The following AP4S1 variants were observed in gnomAD, a reference collection of about 807,000 sequenced individuals.
AP4S1 encodes the protein adaptor related protein complex 4 subunit sigma 1.
In AP4S1, 23 loss-of-function variants were observed where a neutral mutation model predicts 19.8. That is an observed-to-expected ratio of 1.16 (90% CI 0.84 to 1.65). AP4S1 has a LOEUF of 1.65. AP4S1 is among the 40% of genes most tolerant of loss of function. The probability of loss-of-function intolerance (pLI) is 0.00; values close to 1 mark genes in which losing one functional copy is unlikely to be tolerated. For missense variants in AP4S1, 166 were observed against 172.8 expected, an observed-to-expected ratio of 0.96 and a Z score of 0.22; for synonymous variants, 46 against 54.1, an observed-to-expected ratio of 0.85 and a Z score of 0.66.
At chr14:31,030,391 A>G (rs1024990956) in intron 1 of AP4S1, among the ~76,000 whole-genome samples, 2 of 152,120 alleles carry the variant, frequency 1.3e-5, no homozygotes, top group Non-Finnish European at 2.9e-5. Flanking sequence ...TATTTTTTGT[A>G]CAGAGGGAAT....
chr14:31,025,903 C>T, intron 1 of AP4S1, 116 bp downstream of exon 1: 1 of 1,600,226 alleles, frequency 6.2e-7, no homozygotes, highest in Non-Finnish European at 8.5e-7. Flanking sequence ...CAACGAGGTA[C>T]CTGCAGTTCG....
At position 31,050,160 on chromosome 14, in the gene AP4S1, G is replaced by C. The variant is rs186094307; in HGVS notation, c.-71-15966G>C. On this transcript the variant is annotated intron_variant, in intron 1 of 5. Coordinates refer to ENST00000542754, the MANE Select transcript of AP4S1 (RefSeq NM_001128126.3). ...TGGTCTCGAACTCCTGACCTCAGGT[G>C]ATCCACCTGCCTTGGCCTCCCAAAG... Among the ~76,000 whole-genome samples the C allele has an allele frequency of 3.9e-5, 6 of 152,284 alleles. No individual in the cohort carries two copies. In the East Asian group the frequency reaches 1.2e-3, roughly 29 times the overall value.
At chr14:31,034,190 AC>A (rs1325440493) in intron 1 of AP4S1, among the ~76,000 whole-genome samples, 1 of 152,226 alleles carries the variant, frequency 6.6e-6, no homozygotes, top group African/African-American at 2.4e-5. Context: ...TATGCTAAAG[AC>A]AGTGTTCCTT....
chr14:31,071,061 A>G lies in AP4S1; in HGVS notation c.225+1132A>G, dbSNP rs541909668. 2.6e-5 allele frequency among the ~76,000 whole-genome samples: 4 copies of G among 152,082 alleles called. 1 individual carries two copies. Among genetic ancestry groups the G allele is most frequent in the African/African-American group, 9.6e-5 (4 of 41,522 alleles). ...AGTGAGACTCCATCTCAAAAAAAAA[A>G]GGGCTGATATATCAAAAGCCAGAGA... On this transcript the variant is annotated intron_variant, in intron 3 of 5. Coordinates refer to ENST00000542754, the MANE Select transcript of AP4S1 (RefSeq NM_001128126.3).
rs115339186 is a variant in AP4S1, at chr14:31,028,452, C to T, written c.-72+2665C>T. Among the ~76,000 whole-genome samples the T allele has an allele frequency of 8.7e-3, 1,322 of 152,152 alleles. 23 individuals carry two copies. Among genetic ancestry groups the T allele is most frequent in the African/African-American group, 0.03 (1,246 of 41,514 alleles). ...TTGGCTTCACAAAGTGTTAAGATTA[C>T]ATATTTCTTCAAATTATTAAAGTAC... is the stretch of plus-strand genomic sequence containing the variant. On this transcript the variant is annotated intron_variant, in intron 1 of 5. Coordinates refer to ENST00000542754, the MANE Select transcript of AP4S1 (RefSeq NM_001128126.3).
chr14:31,085,165 A>AC, intron 5 of AP4S1: 3 of 1,206,686 alleles, frequency 2.5e-6, no homozygotes, highest in Non-Finnish European at 3.1e-6. Context: ...ATCATGGGGC[A>AC]GATGCCCACC....
In AP4S1 at chr14:31,058,517, C is replaced by CTGTGTGTGTGTGTGTG. The variant is rs1241249693; in HGVS notation, c.-71-7600_-71-7599insGTGTGTGTGTGTGTGT. 3.0e-4 allele frequency among the ~76,000 whole-genome samples: 42 copies of CTGTGTGTGTGTGTGTG among 139,460 alleles called. 1 individual carries two copies. Among genetic ancestry groups the CTGTGTGTGTGTGTGTG allele is most frequent in the African/African-American group, 7.5e-4 (28 of 37,218 alleles). The allele number at this position is 139,460 out of a possible 152,430, so 91.5% of individuals were successfully genotyped here. The stretch of plus-strand genomic sequence containing the variant: ...GGTCATCAAAACATCTTCCCCATCT[C>CTGTGTGTGTGTGTGTG]TGTGTGTGTATGTGTGTGTGTGTGT... On this transcript the variant is annotated intron_variant, in intron 1 of 5. Transcript: ENST00000542754.
intron 5 of AP4S1, among the ~76,000 whole-genome samples, chr14:31,088,663 C>T (rs542747943): frequency 5.9e-5 from 9 of 152,032 alleles, no homozygotes; most frequent in South Asian, 2.1e-4. Flanking sequence ...CAAAAATTAG[C>T]GGGGCGTGGT....
chr14:31,091,597 G>A (rs1888077840), intron 5 of AP4S1, among the ~76,000 whole-genome samples: 1 of 151,460 alleles, frequency 6.6e-6, no homozygotes, highest in Non-Finnish European at 1.5e-5. Flanking sequence ...TTCTGCTGGA[G>A]GACTATTTGC....
chr14:31,087,951 AG>A (rs1566548687), intron 5 of AP4S1, among the ~76,000 whole-genome samples: 1 of 152,150 alleles, frequency 6.6e-6, no homozygotes, highest in Non-Finnish European at 1.5e-5. Flanking sequence ...GTTGCCAGAG[AG>A]TGAGGACTGG....
chr14:31,076,196 T>C (rs191267552), intron 4 of AP4S1, among the ~76,000 whole-genome samples: 1 of 152,344 alleles, frequency 6.6e-6, no homozygotes, highest in Non-Finnish European at 1.5e-5. Context: ...CAGAATGTGG[T>C]AACTCCATGT....
intron 1 of AP4S1, among the ~76,000 whole-genome samples, chr14:31,043,182 C>T (rs3784161): frequency 0.26 from 39,375 of 151,154 alleles, 5,322 homozygotes; most frequent in South Asian, 0.33. Flanking sequence ...GATCATGCCA[C>T]TGCACTCTAG....
chr14:31,053,222 T>C (rs917592258), intron 1 of AP4S1, among the ~76,000 whole-genome samples: 9 of 152,162 alleles, frequency 5.9e-5, no homozygotes, highest in African/African-American at 2.2e-4. Context: ...ATTACAGGCA[T>C]GAGCCACCGC....
chr14:31,042,569 C>T (rs1336691773), intron 1 of AP4S1, among the ~76,000 whole-genome samples: 1 of 152,152 alleles, frequency 6.6e-6, no homozygotes, highest in Non-Finnish European at 1.5e-5. Flanking sequence ...AAAAATAAAA[C>T]AAGTACTTTC....
At chr14:31,027,150 G>C (rs966077916) in intron 1 of AP4S1, 9 of 151,854 alleles carry the variant, frequency 5.9e-5, no homozygotes, top group South Asian at 4.2e-4. Flanking sequence ...TTTTTTTCTT[G>C]GGAGAAGAAG....
chr14:31,050,221 C>G, intron 1 of AP4S1, among the ~76,000 whole-genome samples: 1 of 152,176 alleles, frequency 6.6e-6, no homozygotes, highest in South Asian at 2.1e-4. Flanking sequence ...CACGCCTGTC[C>G]TAATTTTTGT....
intron 1 of AP4S1, among the ~76,000 whole-genome samples, chr14:31,057,704 C>T (rs2139528319): frequency 6.6e-6 from 1 of 151,930 alleles, no homozygotes; most frequent in Non-Finnish European, 1.5e-5. Flanking sequence ...CGGCTTACTG[C>T]AACCTCCGCC....
rs1355405867 is a variant in AP4S1, at chr14:31,025,663, T to C, written c.-196T>C. The stretch of plus-strand genomic sequence containing the variant: ...GCAGACGCCATACTAAAAGCCAAAA[T>C]GGCTGCCCCGAGGAGGCCCGCACCG... On this transcript the variant is annotated 5_prime_UTR_variant, in exon 1 of 6. An upstream start codon of the reference 5' UTR is lost. Transcript: ENST00000542754. The C allele has an allele frequency of 1.5e-5, 9 of 606,886 alleles. No homozygotes were observed. Among genetic ancestry groups the C allele is most frequent in the Non-Finnish European group, 2.5e-5 (9 of 363,430 alleles). The allele number at this position is 606,886 out of a possible 1,614,324, so 37.6% of individuals were successfully genotyped here.
chr14:31,062,188 T>C (rs1886475216), intron 1 of AP4S1, among the ~76,000 whole-genome samples: 1 of 152,086 alleles, frequency 6.6e-6, no homozygotes, highest in Non-Finnish European at 1.5e-5. Flanking sequence ...AAACTCCACC[T>C]CCCAGGTTCA....
Sources: gnomAD v4.1 joint callset for allele counts (sites outside exome capture counted in the v4.1 genomes callset) on GRCh38, gnomAD v4.1.1 for gene constraint, MANE v1.5 for transcripts, NCBI Gene and HGNC (gene_info 2026-07-23, HGNC 2026-07-21) for gene names.